ZNF385D: variants seen among roughly 807,000 people sequenced by gnomAD.
The protein encoded by ZNF385D is zinc finger protein 385D.
In ZNF385D, 15 loss-of-function variants were observed where a neutral mutation model predicts 35.8. The ratio of observed to expected loss-of-function variants is 0.42; its 90% CI spans 0.28 to 0.64. The LOEUF (loss-of-function observed/expected upper bound fraction) is 0.64, where lower values mean the gene tolerates loss of function less well. Among genes scored for constraint, ZNF385D ranks in the 30% least tolerant of loss-of-function variants. The pLI is 0.23. For missense variants in ZNF385D, 474 were observed against 494.6 expected, an observed-to-expected ratio of 0.96 and a Z score of 0.39; for synonymous variants, 212 against 186.8, an observed-to-expected ratio of 1.13 and a Z score of -1.10.
intron 2 of ZNF385D, among the ~76,000 whole-genome samples, chr3:22,202,673 T>C (rs772787808): frequency 9.9e-5 from 15 of 152,114 alleles, no homozygotes; most frequent in Non-Finnish European, 2.1e-4. Flanking sequence ...CAGTGTGGAA[T>C]TGCCAGTACT....
At chr3:21,562,887 T>G (rs2063004441) in intron 3 of ZNF385D, among the ~76,000 whole-genome samples, 1 of 73,776 alleles carries the variant, frequency 1.4e-5, no homozygotes, top group Admixed American at 1.3e-4. Context: ...AATACTTTAT[T>G]GTTAAAATTA....
Position 22,129,760 on chromosome 3 carries a change from A to T in ZNF385D, c.325+39057T>A, listed in dbSNP as rs528082137. On this transcript the variant is annotated intron_variant, in intron 3 of 5. Transcript: ENST00000494108. ...TCTGGCCCAAGGTGGGCCTAAAAAC[A>T]CTCTCCAGGAGCTAAAGCCTGGAAG... Among the ~76,000 whole-genome samples the T allele has an allele frequency of 6.6e-5, 10 of 151,992 alleles. No homozygotes were observed. In the East Asian group the frequency reaches 1.9e-3, roughly 30 times the overall value.
chr3:21,729,159 G>A (rs34704421), intron 1 of ZNF385D, among the ~76,000 whole-genome samples: 1 of 152,004 alleles, frequency 6.6e-6, no homozygotes, highest in Non-Finnish European at 1.5e-5. Flanking sequence ...TGAGCAAGAG[G>A]TCTTCTACCA....
At chr3:22,360,998 G>A (rs2125511899) in intron 2 of ZNF385D, among the ~76,000 whole-genome samples, 1 of 152,092 alleles carries the variant, frequency 6.6e-6, no homozygotes, top group Non-Finnish European at 1.5e-5. Context: ...GATACACAAG[G>A]TCGATTATTA....
intron 3 of ZNF385D, among the ~76,000 whole-genome samples, chr3:21,943,296 A>ATGTG (rs1043397376): frequency 6.6e-6 from 1 of 150,676 alleles, no homozygotes; most frequent in African/African-American, 2.4e-5. Flanking sequence ...GTGTGTATAG[A>ATGTG]TGTGTGTGTG....
intron 3 of ZNF385D, among the ~76,000 whole-genome samples, chr3:22,026,562 C>G (rs1697565037): frequency 6.6e-6 from 1 of 152,176 alleles, no homozygotes; most frequent in African/African-American, 2.4e-5. Flanking sequence ...GTCCTACTTA[C>G]AGCAGATCCA....
chr3:22,183,733 AC>A (rs59292783), intron 2 of ZNF385D, among the ~76,000 whole-genome samples: 35,857 of 151,966 alleles, frequency 0.24, 4,874 homozygotes, highest in African/African-American at 0.37. Context: ...AGATTATTAA[AC>A]TATAATTGCC....
chr3:22,023,937 C>T (rs1274392455), intron 3 of ZNF385D, among the ~76,000 whole-genome samples: 1 of 152,030 alleles, frequency 6.6e-6, no homozygotes, highest in African/African-American at 2.4e-5. Flanking sequence ...GGGGTTAACA[C>T]TGAGTGTCAA....
At chr3:22,084,882 A>T (rs2125590005) in intron 3 of ZNF385D, among the ~76,000 whole-genome samples, 1 of 152,344 alleles carries the variant, frequency 6.6e-6, no homozygotes, top group East Asian at 1.9e-4. Context: ...TGTCTCTCAG[A>T]CCACAGTGCA....
intron 1 of ZNF385D, among the ~76,000 whole-genome samples, chr3:21,672,139 A>G (rs959657654): frequency 6.6e-6 from 1 of 152,118 alleles, no homozygotes; most frequent in Admixed American, 6.6e-5. Context: ...CAGTCATCCA[A>G]ACTCCATCCA....
At position 21,539,531 on chromosome 3, in the gene ZNF385D, CAT is replaced by C. The variant is rs2062121748; in HGVS notation, c.276+25041_276+25042del. ...TTAAATCCACATTATTCAGTAATTT[CAT>C]ATGTTAGTTTGTTTTCTTTATGCTT... On this transcript the variant is annotated intron_variant, in intron 3 of 7. Transcript: ENST00000281523. This position sits in a 1 kb window ranked among gnomAD's most constrained non-coding sequence, Gnocchi z 4.0. Among the ~76,000 whole-genome samples the C allele has an allele frequency of 1.3e-5, 2 of 152,062 alleles. No homozygotes were observed. Among genetic ancestry groups the C allele is most frequent in the South Asian group, 2.1e-4 (1 of 4,816 alleles).
At chr3:22,083,840 A>G (rs1186193489) in intron 3 of ZNF385D, among the ~76,000 whole-genome samples, 2 of 152,218 alleles carry the variant, frequency 1.3e-5, no homozygotes. Context: ...GAGAAAGGTC[A>G]GGTTATCCAC....
chr3:22,044,826 GGGA>G (rs369795493), intron 3 of ZNF385D, among the ~76,000 whole-genome samples: 2 of 151,992 alleles, frequency 1.3e-5, no homozygotes, highest in Admixed American at 6.6e-5. Context: ...TGTGAGAAAT[GGGA>G]GGAGGAGAGA....
intron 1 of ZNF385D, among the ~76,000 whole-genome samples, chr3:21,700,995 A>T (rs933963701): frequency 1.3e-5 from 2 of 152,184 alleles, no homozygotes; most frequent in Non-Finnish European, 2.9e-5. Flanking sequence ...CATGGACAGC[A>T]TCAGTGCACT....
chr3:22,357,092 A>G (rs1318426341), intron 2 of ZNF385D, among the ~76,000 whole-genome samples: 1 of 151,970 alleles, frequency 6.6e-6, no homozygotes, highest in African/African-American at 2.4e-5. Context: ...GATTATCAAG[A>G]AGTTCACATA....
intron 2 of ZNF385D, among the ~76,000 whole-genome samples, chr3:22,278,593 C>CTT (rs1357108421): frequency 6.6e-6 from 1 of 152,110 alleles, no homozygotes; most frequent in African/African-American, 2.4e-5. Flanking sequence ...TAATTCTCCT[C>CTT]TTCACATTCC....
At chr3:22,166,188 T>C (rs900626971) in intron 3 of ZNF385D, among the ~76,000 whole-genome samples, 29 of 127,138 alleles carry the variant, frequency 2.3e-4, no homozygotes, top group African/African-American at 7.3e-4. Flanking sequence ...GCCTACATCA[T>C]GTTACTAATA....
chr3:22,064,398 T>C (rs564840726), intron 3 of ZNF385D, among the ~76,000 whole-genome samples: 1 of 151,510 alleles, frequency 6.6e-6, no homozygotes, highest in East Asian at 1.9e-4. Context: ...ATTTGTTGCT[T>C]ATATGTATTT....
intron 3 of ZNF385D, among the ~76,000 whole-genome samples, chr3:22,018,414 G>T (rs1016289746): frequency 2.6e-5 from 4 of 151,186 alleles, no homozygotes; most frequent in Non-Finnish European, 5.9e-5. Context: ...ACTTTTCCTG[G>T]TAATTTTTTC....
Sources: gnomAD v4.1 joint callset for allele counts (sites outside exome capture counted in the v4.1 genomes callset) on GRCh38, gnomAD v4.1.1 for gene constraint, Gnocchi (gnomAD v3.1) non-coding constraint, MANE v1.5 for transcripts, NCBI Gene and HGNC (gene_info 2026-07-23, HGNC 2026-07-21) for gene names.